The following ABCB5 variants were observed in gnomAD, a reference collection of about 807,000 sequenced individuals.
ABCB5 encodes the protein ATP-binding cassette sub-family B member 5.
Under a neutral mutation model 144.2 loss-of-function variants are expected in ABCB5, and 155 were observed. The ratio of observed to expected loss-of-function variants is 1.08; its 90% confidence interval spans 0.94 to 1.23. The LOEUF (loss-of-function observed/expected upper bound fraction) is 1.23, where lower values mean the gene tolerates loss of function less well. ABCB5 is among the 50% of genes most tolerant of loss of function. ABCB5 has a pLI of 0.00. For missense variants in ABCB5, 1,830 were observed against 1,520.8 expected, an observed-to-expected ratio of 1.20 and a Z score of -3.38; for synonymous variants, 610 against 528.6, an observed-to-expected ratio of 1.15 and a Z score of -2.11.
At chr7:20,710,248 T>A (rs1296915990) in intron 20 of ABCB5, among the ~76,000 whole-genome samples, 1 of 144,594 alleles carries the variant, frequency 6.9e-6, no homozygotes, top group Admixed American at 6.9e-5. Context: ...GCATCTATAA[T>A]CCCAGCTACT....
At chr7:20,734,026 G>C (rs1372096097) in intron 23 of ABCB5, among the ~76,000 whole-genome samples, 2 of 152,142 alleles carry the variant, frequency 1.3e-5, no homozygotes, top group Non-Finnish European at 2.9e-5. Context: ...AGATTCTCTA[G>C]GGATTCTCCT....
chr7:20,710,998 A>C (rs1277493218), intron 20 of ABCB5, among the ~76,000 whole-genome samples: 1 of 149,764 alleles, frequency 6.7e-6, no homozygotes, highest in Admixed American at 6.7e-5. Flanking sequence ...ACCCATCTTT[A>C]ACTTATCACA....
intron 10 of ABCB5, 139 bp from the exon 11 acceptor site, chr7:20,647,829 C>A: frequency 8.8e-7 from 1 of 1,136,800 alleles, no homozygotes. Flanking sequence ...GTATTGAAAC[C>A]TTCATGTCTA....
chr7:20,647,948 AT>A lies in ABCB5; in HGVS notation c.1096-17del, dbSNP rs1278147857. On this transcript the variant is annotated intron_variant, in intron 10 of 27. Transcript: ENST00000404938. ...GTTTACTCCTTTGAAGATTTATAACATTTCCTTTGTTTTTCCAAGAAACCCA... is the reference window on the plus strand; with the variant it reads ...GTTTACTCCTTTGAAGATTTATAACATTCCTTTGTTTTTCCAAGAAACCCA... 1 of 1,446,384 alleles carries A rather than the reference AT, an allele frequency of 6.9e-7. No individual in the cohort carries two copies. 89.6% of individuals were successfully genotyped at this position (1,446,384 alleles called of 1,614,324 possible).
Position 20,643,617 on chromosome 7 carries a change from G to A in ABCB5, c.663G>A (p.Ala221=), listed in dbSNP as rs764732485. ...CGTCTCCTCTTATAATGGCTTCAGCGGCAGCATGTTCTAGGGTAAGTGAGA... is the reference window on the plus strand; with the variant it reads ...CGTCTCCTCTTATAATGGCTTCAGCAGCAGCATGTTCTAGGGTAAGTGAGA... ...LSTSPLIMAS[A]AACSRMVISL... Residue 221 remains alanine (A), a synonymous_variant, in exon 7 of 28, where the codon GCG becomes GCA. Transcript: ENST00000404938. 5.6e-6 allele frequency: 9 copies of A among 1,613,752 alleles called. No homozygotes were observed. Among genetic ancestry groups the A allele is most frequent in the Admixed American group, 3.3e-5 (2 of 59,980 alleles).
intron 21 of ABCB5, 150 bp from the exon 22 acceptor site, chr7:20,726,890 G>C: frequency 2.2e-6 from 1 of 462,854 alleles, no homozygotes; most frequent in Non-Finnish European, 3.8e-6. Flanking sequence ...TTATTTTCTG[G>C]GAGGAAAGGA....
At position 20,643,573 on chromosome 7, in the gene ABCB5, A is replaced by T. The variant is rs1275969628; in HGVS notation, c.619A>T (p.Thr207Ser). The T allele has an allele frequency of 6.2e-7, 1 of 1,613,798 alleles. No individual in the cohort carries two copies. Among genetic ancestry groups the T allele is most frequent in the Non-Finnish European group, 8.5e-7 (1 of 1,179,886 alleles). ...TGGTTTGGTGAAGGGCTGGAAACTC[A>T]CCCTAGTGACTCTATCCACGTCTCC... Reference protein sequence around the residue: ...AVGLVKGWKLTLVTLSTSPLI... With the variant: ...AVGLVKGWKLSLVTLSTSPLI... The change falls in exon 7 of 28, where the codon ACC becomes TCC. Residue 207 changes from threonine (T) to serine (S), a missense_variant. Physicochemically the swap from Thr to Ser is moderately conservative, Grantham distance 58. Transcript: ENST00000404938.
chr7:20,669,107 G>A (rs1354955854), intron 14 of ABCB5, among the ~76,000 whole-genome samples: 1 of 151,124 alleles, frequency 6.6e-6, no homozygotes, highest in Non-Finnish European at 1.5e-5. Context: ...ATGGTGGGGG[G>A]GGTCAGCCCC....
chr7:20,745,393 C>T lies in ABCB5; in HGVS notation c.3384C>T (p.Ala1128=), dbSNP rs201551332. The change falls in exon 26 of 28, where the codon GCC becomes GCT. Residue 1128 remains alanine, a synonymous_variant. Coordinates refer to ENST00000404938, the MANE Select transcript of ABCB5 (RefSeq NM_001163941.2). ...RVVPLDEIKE[A]ANAANIHSFI... is the part of the protein sequence containing the mutation. ...TGCCATTAGATGAGATCAAAGAAGCCGCAAATGCAGCAAATATCCATTCTT... is the reference window on the plus strand; with the variant it reads ...TGCCATTAGATGAGATCAAAGAAGCTGCAAATGCAGCAAATATCCATTCTT... 2.1e-5 allele frequency: 34 copies of T among 1,614,140 alleles called. No homozygotes were observed. The Admixed American group carries it at 2.2e-4, about 10-fold the overall frequency.
chr7:20,750,660 A>G (rs903981758), intron 26 of ABCB5, among the ~76,000 whole-genome samples: 31 of 152,310 alleles, frequency 2.0e-4, no homozygotes, highest in African/African-American at 7.2e-4. Flanking sequence ...TATAATACGT[A>G]GACTTTTTTC....
At chr7:20,752,995 T>C (rs553134540) in intron 26 of ABCB5, among the ~76,000 whole-genome samples, 1 of 152,356 alleles carries the variant, frequency 6.6e-6, no homozygotes, top group African/African-American at 2.4e-5. Flanking sequence ...TTTTTACTAC[T>C]GCGAATCATT....
intron 16 of ABCB5, among the ~76,000 whole-genome samples, chr7:20,687,567 T>G (rs1296399265): frequency 6.6e-6 from 1 of 152,172 alleles, no homozygotes; most frequent in South Asian, 2.1e-4. Context: ...AGCTAAAGTT[T>G]ATAGAAATCC....
intron 5 of ABCB5, 57 bp downstream of exon 5, chr7:20,632,170 T>C: frequency 7.9e-7 from 1 of 1,266,300 alleles, no homozygotes. Context: ...TATTTAAAGC[T>C]TACAAGAAAA....
chr7:20,635,278 C>T (rs917543089), intron 5 of ABCB5, among the ~76,000 whole-genome samples: 1 of 151,874 alleles, frequency 6.6e-6, no homozygotes, highest in African/African-American at 2.4e-5. Flanking sequence ...ATTATTATAC[C>T]AGTACCATGA....
chr7:20,658,418 T>TAA, intron 13 of ABCB5, 88 bp from the exon 14 acceptor site: 1 of 1,349,554 alleles, frequency 7.4e-7, no homozygotes, highest in African/African-American at 1.5e-5. Context: ...AAGCTGATAT[T>TAA]AAAACACAAC....
intron 23 of ABCB5, among the ~76,000 whole-genome samples, chr7:20,731,696 A>G (rs1782227957): frequency 1.3e-5 from 2 of 152,124 alleles, no homozygotes; most frequent in African/African-American, 4.8e-5. Flanking sequence ...TCCCATCTTA[A>G]CTAATAACAC....
chr7:20,703,911 C>A (rs1346273491), intron 19 of ABCB5, among the ~76,000 whole-genome samples: 1 of 152,096 alleles, frequency 6.6e-6, no homozygotes, highest in African/African-American at 2.4e-5. Flanking sequence ...GCCCTTTTAG[C>A]TTCTCACAAC....
chr7:20,754,733 G>C (rs1323701363), intron 27 of ABCB5, among the ~76,000 whole-genome samples: 1 of 152,098 alleles, frequency 6.6e-6, no homozygotes, highest in Admixed American at 6.6e-5. Flanking sequence ...TCCTGACTTT[G>C]AGTTTAGAAC....
intron 5 of ABCB5, among the ~76,000 whole-genome samples, chr7:20,639,229 G>C (rs958333406): frequency 6.6e-6 from 1 of 152,098 alleles, no homozygotes; most frequent in Non-Finnish European, 1.5e-5. Context: ...TAAGTGGTAA[G>C]AATTCTTTAT....
Sources: allele counts gnomAD v4.1 joint callset (sites outside exome capture counted in the v4.1 genomes callset), GRCh38; gene constraint gnomAD v4.1.1; transcripts MANE v1.5; gene names NCBI Gene and HGNC (gene_info 2026-07-23, HGNC 2026-07-21).